Variants in SNX24 observed in about 807,000 individuals in gnomAD.
SNX24 encodes sorting nexin 24, also known as sorting nexin-24.
In SNX24, 22 loss-of-function variants were observed where a neutral mutation model predicts 28.7. That is an observed-to-expected ratio of 0.77 (90% CI 0.55 to 1.10). The LOEUF is 1.10. SNX24 is among the 50% of genes least tolerant of loss of function. The pLI, the probability that SNX24 is intolerant of heterozygous loss-of-function variation, is 0.00. For synonymous variants in SNX24, 69 were observed against 71.5 expected (o/e 0.96, Z 0.18); for missense variants, 221 against 201.1 (o/e 1.10, Z -0.60).
intron 3 of SNX24, among the ~76,000 whole-genome samples, chr5:122,948,017 G>C (rs1390821870): frequency 6.6e-6 from 1 of 152,198 alleles, no homozygotes; most frequent in Non-Finnish European, 1.5e-5. Context: ...CAGAAATAAG[G>C]CTTGAAAGAT....
chr5:122,899,736 T>C (rs1401876333), intron 1 of SNX24, among the ~76,000 whole-genome samples: 1 of 152,166 alleles, frequency 6.6e-6, no homozygotes, highest in Non-Finnish European at 1.5e-5. Context: ...AAAAGTTCCT[T>C]CAGCACTTAA....
intron 3 of SNX24, among the ~76,000 whole-genome samples, chr5:122,991,918 A>G (rs73289171): frequency 0.051 from 7,802 of 152,282 alleles, 675 homozygotes; most frequent in African/African-American, 0.18. Context: ...ACCAATTTCA[A>G]TGGCTCCCTT....
chr5:122,988,804 C>A (rs1761709029), intron 3 of SNX24, among the ~76,000 whole-genome samples: 1 of 152,130 alleles, frequency 6.6e-6, no homozygotes, highest in East Asian at 1.9e-4. Flanking sequence ...AATGGGTGTT[C>A]TTGGCACCTG....
rs974789701 is a variant in SNX24, at chr5:122,876,277, C to T, written c.60+30584C>T. On this transcript the variant is annotated intron_variant, in intron 1 of 6. Coordinates refer to ENST00000261369, the MANE Select transcript of SNX24 (RefSeq NM_014035.4). ...TTAGATTTGGAAGGGTTTTTAAAAG[C>T]AGCCTTTGCCTAGAGATGTATTCAT... Among the ~76,000 whole-genome samples, 6 of 152,334 alleles carry T rather than the reference C, an allele frequency of 3.9e-5. No homozygotes were observed. The South Asian group carries it at 1.2e-3, about 32-fold the overall frequency.
intron 2 of SNX24, among the ~76,000 whole-genome samples, chr5:122,944,133 A>C (rs1177025563): frequency 1.3e-5 from 2 of 152,212 alleles, no homozygotes; most frequent in African/African-American, 4.8e-5. Context: ...AGTCCAGGTG[A>C]TGCACGCATC....
At chr5:122,994,571 A>T (rs1761983733) in intron 3 of SNX24, among the ~76,000 whole-genome samples, 1 of 152,218 alleles carries the variant, frequency 6.6e-6, no homozygotes, top group African/African-American at 2.4e-5. Context: ...AAAGCTGATA[A>T]GGTAGAAAAA....
chr5:122,889,900 T>C (rs2150069396), intron 1 of SNX24, among the ~76,000 whole-genome samples: 1 of 151,578 alleles, frequency 6.6e-6, no homozygotes, highest in Non-Finnish European at 1.5e-5. Flanking sequence ...GTTGTCCCAA[T>C]AATGTCCTTG....
At chr5:123,021,112 C>CG (rs1554081391) in intron 5 of SNX24, among the ~76,000 whole-genome samples, 20 of 151,586 alleles carry the variant, frequency 1.3e-4, no homozygotes, top group Non-Finnish European at 2.4e-4. Context: ...GTTCCCCCCC[C>CG]GTCCCCATGG....
intron 1 of SNX24, among the ~76,000 whole-genome samples, chr5:122,893,341 C>T (rs1453327452): frequency 2.0e-5 from 3 of 151,738 alleles, no homozygotes; most frequent in African/African-American, 7.3e-5. Context: ...TGCAGGTTCA[C>T]CTTGTACTTT....
chr5:122,993,677 G>A (rs945343577), intron 3 of SNX24, among the ~76,000 whole-genome samples: 4 of 152,170 alleles, frequency 2.6e-5, no homozygotes, highest in Admixed American at 2.6e-4. Context: ...CAGGTGCAGG[G>A]AAGTGGTAAG....
At position 122,923,814 on chromosome 5, in the gene SNX24, G is replaced by A. The variant is rs539003950; in HGVS notation, c.61-12920G>A. Among the ~76,000 whole-genome samples, 41 of 152,228 alleles carry A rather than the reference G, an allele frequency of 2.7e-4. 1 individual carries two copies. The South Asian group carries it at 7.7e-3, about 29-fold the overall frequency. On this transcript the variant is annotated intron_variant, in intron 1 of 6. Transcript: ENST00000261369. The stretch of plus-strand genomic sequence containing the variant: ...CATTAGGAATGAAACAAGAAAATTC[G>A]CATCCACCCGAGCTTACGCTTTACC...
At chr5:122,921,444 T>C (rs1223480027) in intron 1 of SNX24, among the ~76,000 whole-genome samples, 1 of 152,104 alleles carries the variant, frequency 6.6e-6, no homozygotes, top group African/African-American at 2.4e-5. Flanking sequence ...CCAGAAAAGG[T>C]CTTATTCAAA....
chr5:123,004,570 C>T (rs959225379), intron 6 of SNX24, among the ~76,000 whole-genome samples: 1 of 152,212 alleles, frequency 6.6e-6, no homozygotes, highest in Non-Finnish European at 1.5e-5. Flanking sequence ...CACGTGTATA[C>T]ACCTGAGTCA....
chr5:122,928,756 T>C (rs939157514), intron 1 of SNX24, among the ~76,000 whole-genome samples: 1 of 151,868 alleles, frequency 6.6e-6, no homozygotes, highest in Non-Finnish European at 1.5e-5. Flanking sequence ...ACCAAGCCCA[T>C]TGGACTTCTG....
intron 3 of SNX24, among the ~76,000 whole-genome samples, chr5:122,951,624 G>A (rs1759946860): frequency 6.6e-6 from 1 of 152,164 alleles, no homozygotes; most frequent in Non-Finnish European, 1.5e-5. Context: ...TGAAATGAAA[G>A]TACAGAAACT....
intron 1 of SNX24, among the ~76,000 whole-genome samples, chr5:122,909,035 A>T (rs765328834): frequency 6.6e-6 from 1 of 152,182 alleles, no homozygotes; most frequent in Non-Finnish European, 1.5e-5. Context: ...TTTTTAAACC[A>T]TATGACTGTA....
At chr5:122,936,336 C>G (rs576709526) in intron 1 of SNX24, among the ~76,000 whole-genome samples, 59 of 152,270 alleles carry the variant, frequency 3.9e-4, no homozygotes, top group African/African-American at 1.4e-3. Context: ...TTGAAATGCC[C>G]ATAATGGAAT....
intron 1 of SNX24, among the ~76,000 whole-genome samples, chr5:122,854,036 G>T (rs914161235): frequency 6.6e-6 from 1 of 151,800 alleles, no homozygotes. Flanking sequence ...CTGAAATTCA[G>T]CATCTGCTTT....
chr5:122,857,974 G>C (rs1234939638), intron 1 of SNX24, among the ~76,000 whole-genome samples: 1 of 152,068 alleles, frequency 6.6e-6, no homozygotes, highest in Non-Finnish European at 1.5e-5. Context: ...GTAGAGACGG[G>C]GTTTCACCAT....
Sources: allele counts gnomAD v4.1 joint callset (sites outside exome capture counted in the v4.1 genomes callset), GRCh38; gene constraint gnomAD v4.1.1; transcripts MANE v1.5; gene names NCBI Gene and HGNC (gene_info 2026-07-23, HGNC 2026-07-21).